DHRSX: variants seen among roughly 807,000 people sequenced by gnomAD.
The protein encoded by DHRSX is dehydrogenase/reductase X-linked.
Under a neutral mutation model 34.0 loss-of-function variants are expected in DHRSX, and 31 were observed. That is an observed-to-expected ratio of 0.91 (90% CI 0.69 to 1.23). The LOEUF is 1.23. Among genes scored for constraint, DHRSX ranks in the 50% most tolerant of loss-of-function variants. DHRSX has a pLI of 0.00. For missense variants in DHRSX, 414 were observed against 428.1 expected (o/e 0.97, Z 0.29); for synonymous variants, 201 against 183.8 (o/e 1.09, Z -0.76).
At chrX:2,369,943 C>A (rs1478828800) in intron 3 of DHRSX, among the ~76,000 whole-genome samples, 1 of 151,746 alleles carries the variant, frequency 6.6e-6, no homozygotes, top group Non-Finnish European at 1.5e-5. Flanking sequence ...GTGCCCGGCC[C>A]GGACTCCCCT....
chrX:2,316,859 G>A (rs1397540601), intron 3 of DHRSX, among the ~76,000 whole-genome samples: 2 of 152,176 alleles, frequency 1.3e-5, no homozygotes, highest in African/African-American at 4.8e-5. Flanking sequence ...GATGAGTGAG[G>A]CAAGCCTCCA....
chrX:2,456,388 T>C (rs2044296732), intron 1 of DHRSX, among the ~76,000 whole-genome samples: 1 of 151,772 alleles, frequency 6.6e-6, no homozygotes, highest in Non-Finnish European at 1.5e-5. Context: ...CTGAGGCAGG[T>C]GGATCACCTG....
intron 3 of DHRSX, among the ~76,000 whole-genome samples, chrX:2,404,967 ATT>A (rs1478716606): frequency 6.6e-6 from 1 of 152,238 alleles, no homozygotes; most frequent in African/African-American, 2.4e-5. Flanking sequence ...ACTCTGTGAC[ATT>A]GTACACTGGG....
intron 3 of DHRSX, among the ~76,000 whole-genome samples, chrX:2,334,143 A>G (rs2042519491): frequency 7.2e-6 from 1 of 139,220 alleles, no homozygotes; most frequent in African/African-American, 2.8e-5. Context: ...TTGAATGGTA[A>G]TTCTGTTGTT....
At chrX:2,351,998 G>T (rs1266258277) in intron 3 of DHRSX, among the ~76,000 whole-genome samples, 1 of 152,160 alleles carries the variant, frequency 6.6e-6, no homozygotes, top group Non-Finnish European at 1.5e-5. Context: ...GGGGTTACAG[G>T]CGTGAGTCAC....
chrX:2,342,459 C>T (rs1321648343), intron 3 of DHRSX, among the ~76,000 whole-genome samples: 1 of 151,976 alleles, frequency 6.6e-6, no homozygotes, highest in African/African-American at 2.4e-5. Context: ...ATGAGTTCGA[C>T]GGTGCCCAGC....
At chrX:2,433,747 G>A (rs1367645493) in intron 1 of DHRSX, among the ~76,000 whole-genome samples, 3 of 152,016 alleles carry the variant, frequency 2.0e-5, no homozygotes, top group Non-Finnish European at 2.9e-5. Flanking sequence ...TCCTTTTTAT[G>A]GCTGCGTAGT....
intron 1 of DHRSX, among the ~76,000 whole-genome samples, chrX:2,464,521 G>A (rs2044457157): frequency 2.1e-5 from 3 of 140,430 alleles, no homozygotes; most frequent in Admixed American, 2.1e-4. Context: ...GCACACTGAA[G>A]ATGTTCCCTA....
At chrX:2,361,663 T>C (rs772973706) in intron 3 of DHRSX, among the ~76,000 whole-genome samples, 120 of 152,306 alleles carry the variant, frequency 7.9e-4, no homozygotes, top group African/African-American at 2.7e-3. Context: ...TTCAGCCTGG[T>C]TAATGTGTCG....
intron 6 of DHRSX, among the ~76,000 whole-genome samples, chrX:2,226,185 G>A (rs193287604): frequency 4.8e-4 from 73 of 152,268 alleles, no homozygotes; most frequent in African/African-American, 1.6e-3. Flanking sequence ...TGGGATTGGC[G>A]CAGGCTGCTG....
chrX:2,296,302 C>T (rs899370334), intron 3 of DHRSX, among the ~76,000 whole-genome samples: 2 of 152,170 alleles, frequency 1.3e-5, no homozygotes, highest in African/African-American at 4.8e-5. Context: ...GCCACGTCCT[C>T]TGCTGGCGCT....
At chrX:2,489,403 G>A (rs201156304) in intron 1 of DHRSX, 37 of 1,613,764 alleles carry the variant, frequency 2.3e-5, no homozygotes, top group African/African-American at 1.1e-4. Flanking sequence ...CCTTGGAGTC[G>A]GTCTCCTTGA....
intron 5 of DHRSX, among the ~76,000 whole-genome samples, chrX:2,254,303 T>G (rs1051092096): frequency 2.6e-5 from 4 of 152,222 alleles, no homozygotes; most frequent in Non-Finnish European, 5.9e-5. Flanking sequence ...GTATTTCCAT[T>G]GCAGGACATT....
At chrX:2,266,638 G>C in intron 5 of DHRSX, 102 bp downstream of exon 5, 2 of 1,171,544 alleles carry the variant, frequency 1.7e-6, no homozygotes, top group African/African-American at 1.5e-5. Context: ...GAGCACCAGC[G>C]TCCAGCAGAT....
At chrX:2,377,727 A>T (rs1247822882) in intron 3 of DHRSX, among the ~76,000 whole-genome samples, 1 of 150,888 alleles carries the variant, frequency 6.6e-6, no homozygotes, top group Non-Finnish European at 1.5e-5. Context: ...TCATAATTGC[A>T]GTGTGCACAC....
At chrX:2,311,935 C>CT (rs2042170076) in intron 3 of DHRSX, among the ~76,000 whole-genome samples, 1 of 152,078 alleles carries the variant, frequency 6.6e-6, no homozygotes, top group Non-Finnish European at 1.5e-5. Context: ...AACTTAATTC[C>CT]TAAGAAGCTG....
intron 1 of DHRSX, among the ~76,000 whole-genome samples, chrX:2,445,260 T>C (rs1195152546): frequency 6.6e-6 from 1 of 152,154 alleles, no homozygotes; most frequent in Non-Finnish European, 1.5e-5. Context: ...AAAAGTTGCA[T>C]GTCAGAAAAA....
chrX:2,377,779 G>A lies in DHRSX; in HGVS notation c.286+30966C>T, dbSNP rs766347074. 4.4e-3 allele frequency among the ~76,000 whole-genome samples: 636 copies of A among 146,046 alleles called. 4 individuals are homozygous for A. The highest frequency in any genetic ancestry group is 0.014 in the African/African-American group (560 of 39,286). ...TTTTGAGACAGAGTCTTGCTCTGTC[G>A]CCAGGCTGGAGTGCAGTGGCATGAT... On this transcript the variant is annotated intron_variant, in intron 3 of 6. Transcript: ENST00000334651.
At chrX:2,250,547 T>C (rs2016413111) in intron 5 of DHRSX, among the ~76,000 whole-genome samples, 1 of 152,030 alleles carries the variant, frequency 6.6e-6, no homozygotes. Context: ...TTTTAGACCA[T>C]GTCATGGCAT....
Sources: allele counts gnomAD v4.1 joint callset (sites outside exome capture counted in the v4.1 genomes callset), GRCh38; gene constraint gnomAD v4.1.1; transcripts MANE v1.5; gene names NCBI Gene and HGNC (gene_info 2026-07-23, HGNC 2026-07-21).